The following NF1 variants were observed in gnomAD, a reference collection of about 807,000 sequenced individuals.
NF1 encodes the protein neurofibromin 1.
NF1 carries 122 observed loss-of-function variants against 325.7 expected under a neutral mutation model. The observed-to-expected ratio is 0.37, with a 90% CI of 0.32 to 0.44. The LOEUF (loss-of-function observed/expected upper bound fraction) is 0.44, where lower values mean the gene tolerates loss of function less well. Ranked by LOEUF, NF1 falls within the 20% of genes least tolerant of loss-of-function variation. The pLI is 1.00. For missense variants in NF1, 2,140 were observed against 3,415.4 expected (o/e 0.63, Z 9.31); for synonymous variants, 1,091 against 1,186.0 (o/e 0.92, Z 1.65).
intron 1 of NF1, among the ~76,000 whole-genome samples, chr17:31,100,277 A>G (rs1032022111): frequency 1.3e-5 from 2 of 152,192 alleles, no homozygotes; most frequent in African/African-American, 4.8e-5. Flanking sequence ...ATTGGCAAGT[A>G]TCTTCGAAAT....
chr17:31,172,365 CTCTCTCTT>C (rs567403880), intron 5 of NF1, among the ~76,000 whole-genome samples: 1,828 of 149,732 alleles, frequency 0.012, 23 homozygotes, highest in South Asian at 0.028. Context: ...CTCTCTCTCT[CTCTCTCTT>C]TCTCTCTTTC....
At chr17:31,309,540 T>G (rs965864737) in intron 36 of NF1, among the ~76,000 whole-genome samples, 4 of 152,226 alleles carry the variant, frequency 2.6e-5, no homozygotes, top group Non-Finnish European at 4.4e-5. Flanking sequence ...GAAAATGTTA[T>G]TCTCTTCAGA....
At chr17:31,317,371 A>G (rs566363619) in intron 36 of NF1, among the ~76,000 whole-genome samples, 9 of 115,568 alleles carry the variant, frequency 7.8e-5, no homozygotes, top group African/African-American at 1.3e-4. Flanking sequence ...AGATTTGAAC[A>G]CACACACACA....
At chr17:31,294,783 C>T in intron 36 of NF1, 1 of 569,446 alleles carries the variant, frequency 1.8e-6, no homozygotes, top group Non-Finnish European at 3.1e-6. Context: ...ATAAAAGAAA[C>T]TCATTAGTTT....
intron 50 of NF1, 122 bp downstream of exon 50, chr17:31,350,440 GAAGAGT>G: frequency 1.2e-6 from 1 of 806,086 alleles, no homozygotes; most frequent in South Asian, 1.6e-5. Flanking sequence ...GATGGCCTAG[GAAGAGT>G]AAGTGAAACT....
At chr17:31,182,722 C>A (rs2143787990) in intron 8 of NF1, 57 bp downstream of exon 8, 1 of 1,497,272 alleles carries the variant, frequency 6.7e-7, no homozygotes, top group Non-Finnish European at 9.2e-7. Flanking sequence ...TTATTTTACT[C>A]AAGGTGTGTA....
chr17:31,341,251 G>A (rs2069813514), intron 47 of NF1, among the ~76,000 whole-genome samples: 1 of 152,042 alleles, frequency 6.6e-6, no homozygotes, highest in African/African-American at 2.4e-5. Flanking sequence ...GTGGCCAGGA[G>A]TGGTGGCTCA....
intron 36 of NF1, among the ~76,000 whole-genome samples, chr17:31,267,463 A>G (rs2067812444): frequency 6.6e-6 from 1 of 152,042 alleles, no homozygotes; most frequent in Non-Finnish European, 1.5e-5. Flanking sequence ...ACTTAGACCT[A>G]CTGGAGCTCC....
At chr17:31,110,104 G>T (rs1465300067) in intron 1 of NF1, among the ~76,000 whole-genome samples, 1 of 152,104 alleles carries the variant, frequency 6.6e-6, no homozygotes, top group Non-Finnish European at 1.5e-5. Flanking sequence ...GGTCATTTTT[G>T]ACATAAAGCT....
At chr17:31,134,239 G>T (rs950597642) in intron 1 of NF1, among the ~76,000 whole-genome samples, 5 of 152,138 alleles carry the variant, frequency 3.3e-5, no homozygotes, top group East Asian at 1.9e-4. Context: ...TCATTTGATT[G>T]TAAGTATTCA....
intron 40 of NF1, among the ~76,000 whole-genome samples, chr17:31,335,325 A>AC (rs2069636552): frequency 1.4e-5 from 1 of 69,088 alleles, no homozygotes; most frequent in African/African-American, 4.7e-5. Flanking sequence ...CTGTGCAAAT[A>AC]ACTAGATTTT....
At chr17:31,211,757 T>C (rs2066731177) in intron 12 of NF1, among the ~76,000 whole-genome samples, 1 of 152,178 alleles carries the variant, frequency 6.6e-6, no homozygotes, top group Non-Finnish European at 1.5e-5. Context: ...AAAAAATGTA[T>C]AGGACACTTA....
chr17:31,355,275 T>G (rs148559113), intron 51 of NF1, among the ~76,000 whole-genome samples: 1 of 152,218 alleles, frequency 6.6e-6, no homozygotes, highest in Non-Finnish European at 1.5e-5. Context: ...TGGAAAGCAC[T>G]GACTGGTTTT....
rs1338526557 is a variant in NF1 at position 31,226,763 on chromosome 17, C to T, written c.2251+79C>T. On this transcript the variant is annotated intron_variant, in intron 18 of 57. Transcript: ENST00000358273. ...CTGATTTTGAGAATGTATTTAAGGT[C>T]ACTACTTTGTAAGTTTACAGGGGAA... 4 of 1,578,582 alleles carry T rather than the reference C, an allele frequency of 2.5e-6. No individual in the cohort carries two copies. The African/African-American group carries it at 4.0e-5, about 16-fold the overall frequency.
chr17:31,159,486 A>G (rs1464529693), intron 3 of NF1, among the ~76,000 whole-genome samples: 5 of 152,176 alleles, frequency 3.3e-5, no homozygotes, highest in Non-Finnish European at 4.4e-5. Flanking sequence ...TTAATATTCT[A>G]CTTTTGAAAT....
chr17:31,338,601 T>G, intron 45 of NF1, 103 bp from the exon 46 acceptor site: 1 of 776,454 alleles, frequency 1.3e-6, no homozygotes, highest in Non-Finnish European at 2.3e-6. Flanking sequence ...ATTCTAGCAT[T>G]TATTAAATAA....
At chr17:31,314,469 A>G (rs1381142928) in intron 36 of NF1, 1 of 153,484 alleles carries the variant, frequency 6.5e-6, no homozygotes, top group African/African-American at 2.4e-5. Flanking sequence ...TCCTCCTCTA[A>G]AGGAATATTT....
At chr17:31,140,100 A>G (rs74741560) in intron 1 of NF1, among the ~76,000 whole-genome samples, 2,507 of 152,328 alleles carry the variant, frequency 0.016, 68 homozygotes, top group African/African-American at 0.055. Context: ...AACGATTACA[A>G]GAAAGATACC....
rs1597744644 is a variant in NF1, at chr17:31,258,409, T to G, written c.4239T>G (p.Phe1413Leu). 1 of 1,614,028 alleles carries G rather than the reference T, an allele frequency of 6.2e-7. No individual in the cohort carries two copies. Among genetic ancestry groups the G allele is most frequent in the Non-Finnish European group, 8.5e-7 (1 of 1,179,936 alleles). Reference sequence around the variant, plus strand: ...TAGGAAGTGCCATGTTCCTCAGATTTATCAATCCTGCCATTGTCTCACCGT... The same window carrying G: ...TAGGAAGTGCCATGTTCCTCAGATTGATCAATCCTGCCATTGTCTCACCGT... Reference protein sequence around the residue: ...GAVGSAMFLRFINPAIVSPYE... With the variant: ...GAVGSAMFLRLINPAIVSPYE... The change falls in exon 32 of 58, where the codon TTT (phenylalanine) becomes TTG (leucine). Residue 1413 changes from phenylalanine (F) to leucine (L), a missense_variant. Physicochemically the swap from Phe to Leu is conservative, Grantham distance 22. Around this residue, in one of 10 missense-constraint regions of NF1, gnomAD observed 336 missense variants for 399.0 expected, o/e 0.84. Transcript: ENST00000358273.
Sources: allele counts gnomAD v4.1 joint callset (sites outside exome capture counted in the v4.1 genomes callset), GRCh38; gene constraint gnomAD v4.1.1; regional missense constraint gnomAD v4.1.1; transcripts MANE v1.5; gene names NCBI Gene and HGNC (gene_info 2026-07-23, HGNC 2026-07-21).